CAMTA1: variants seen among roughly 807,000 people sequenced by gnomAD.
CAMTA1 encodes the protein calmodulin binding transcription activator 1.
A neutral mutation model predicts 170.9 loss-of-function variants in CAMTA1; 27 were observed. That is an observed-to-expected ratio of 0.16 (90% CI 0.12 to 0.22). The LOEUF (loss-of-function observed/expected upper bound fraction) is 0.22, where lower values mean the gene tolerates loss of function less well. CAMTA1 is among the 10% of genes least tolerant of loss of function. The pLI, the probability that CAMTA1 is intolerant of heterozygous loss-of-function variation, is 1.00. For missense variants in CAMTA1, 1,619 were observed against 2,217.2 expected, an observed-to-expected ratio of 0.73 and a Z score of 5.42; for synonymous variants, 833 against 891.5, an observed-to-expected ratio of 0.93 and a Z score of 1.17.
intron 6 of CAMTA1, among the ~76,000 whole-genome samples, chr1:7,564,051 T>C (rs2094999881): frequency 2.0e-5 from 3 of 152,196 alleles, no homozygotes; most frequent in African/African-American, 7.2e-5. Flanking sequence ...AGAATTCAAA[T>C]GAGGAGAATC....
intron 3 of CAMTA1, among the ~76,000 whole-genome samples, chr1:6,832,073 C>A (rs962120832): frequency 2.0e-5 from 3 of 151,618 alleles, no homozygotes; most frequent in African/African-American, 4.9e-5. Flanking sequence ...AACATCAAGC[C>A]ACCTTATTTT....
intron 3 of CAMTA1, among the ~76,000 whole-genome samples, chr1:7,037,681 T>C (rs1030071500): frequency 5.9e-5 from 9 of 151,870 alleles, no homozygotes; most frequent in Non-Finnish European, 1.2e-4. Context: ...CTACTAAAAA[T>C]ATAAAAACTA....
rs552992211 is a variant in CAMTA1 at position 6,910,320 on chromosome 1, A to G, written c.234+85110A>G. Among the ~76,000 whole-genome samples, 5 of 152,358 alleles carry G rather than the reference A, an allele frequency of 3.3e-5. No homozygotes were observed. The South Asian group carries it at 6.2e-4, about 19-fold the overall frequency. On this transcript the variant is annotated intron_variant, in intron 3 of 22. Coordinates refer to ENST00000303635, the MANE Select transcript of CAMTA1 (RefSeq NM_015215.4). ...TTTGAAAGGAGAAGCTGTAGTCTCA[A>G]AACACCAGTATGGCAACTGTTTTTT...
chr1:7,368,712 G>A (rs560273205), intron 5 of CAMTA1, among the ~76,000 whole-genome samples: 19 of 152,246 alleles, frequency 1.2e-4, no homozygotes, highest in African/African-American at 4.1e-4. Context: ...TGTCTTGCAC[G>A]CTGCTGCAGC....
chr1:7,104,113 TAC>T (rs1397708258), intron 4 of CAMTA1, among the ~76,000 whole-genome samples: 1 of 54,604 alleles, frequency 1.8e-5, no homozygotes, highest in East Asian at 4.7e-4. Flanking sequence ...TACACACATG[TAC>T]ACACAACACA....
intron 4 of CAMTA1, among the ~76,000 whole-genome samples, chr1:7,178,431 T>C (rs1253338857): frequency 6.6e-6 from 1 of 152,232 alleles, no homozygotes; most frequent in Non-Finnish European, 1.5e-5. Flanking sequence ...TCTTCGGCTC[T>C]GTGTTGGGGC....
intron 6 of CAMTA1, among the ~76,000 whole-genome samples, chr1:7,605,110 C>G (rs2095476094): frequency 6.6e-6 from 1 of 152,176 alleles, no homozygotes; most frequent in African/African-American, 2.4e-5. Flanking sequence ...GGGTGCCTCC[C>G]AGTTAGGCTA....
intron 1 of CAMTA1, among the ~76,000 whole-genome samples, chr1:6,810,606 A>G (rs911236263): frequency 1.3e-5 from 2 of 152,258 alleles, no homozygotes; most frequent in African/African-American, 4.8e-5. Context: ...GGAGATCGAG[A>G]CCATCTGGCT....
At chr1:6,817,336 G>A (rs570416060) in intron 1 of CAMTA1, among the ~76,000 whole-genome samples, 35 of 152,220 alleles carry the variant, frequency 2.3e-4, no homozygotes, top group African/African-American at 7.5e-4. Context: ...TTTTAACATC[G>A]TAAAATTTCA....
At chr1:7,440,224 T>A (rs1254100722) in intron 5 of CAMTA1, among the ~76,000 whole-genome samples, 2 of 152,276 alleles carry the variant, frequency 1.3e-5, no homozygotes, top group Non-Finnish European at 2.9e-5. Context: ...GTCCACTTCA[T>A]GGCATGGGAG....
At chr1:7,717,154 T>C (rs973209042) in intron 11 of CAMTA1, among the ~76,000 whole-genome samples, 1 of 152,068 alleles carries the variant, frequency 6.6e-6, no homozygotes, top group Non-Finnish European at 1.5e-5. Flanking sequence ...TCAGAGAATG[T>C]GTATTTACAG....
intron 3 of CAMTA1, among the ~76,000 whole-genome samples, chr1:6,895,409 T>C (rs1307178175): frequency 6.6e-6 from 1 of 152,218 alleles, no homozygotes; most frequent in East Asian, 1.9e-4. Flanking sequence ...TTTCTTTGCC[T>C]GGAGATCTGT....
chr1:7,543,571 T>C (rs2150122982), intron 6 of CAMTA1, among the ~76,000 whole-genome samples: 1 of 152,352 alleles, frequency 6.6e-6, no homozygotes, highest in East Asian at 1.9e-4. Flanking sequence ...ACGCTGAAAA[T>C]GTCAAATCCT....
At chr1:7,310,629 T>G (rs948434517) in intron 5 of CAMTA1, among the ~76,000 whole-genome samples, 1 of 7,308 alleles carries the variant, frequency 1.4e-4, no homozygotes, top group Non-Finnish European at 2.7e-4. Context: ...TCTTTCTTTC[T>G]TTCTTTCTTT....
At chr1:7,734,634 T>G (rs1206222475) in intron 12 of CAMTA1, among the ~76,000 whole-genome samples, 1 of 152,206 alleles carries the variant, frequency 6.6e-6, no homozygotes, top group East Asian at 1.9e-4. Context: ...GCCTTGGCCT[T>G]TTGAGTCAAG....
intron 4 of CAMTA1, among the ~76,000 whole-genome samples, chr1:7,132,736 A>T (rs1645335307): frequency 6.6e-6 from 1 of 152,200 alleles, no homozygotes; most frequent in East Asian, 1.9e-4. Flanking sequence ...GTATTATCAA[A>T]ACCAGGAAAT....
rs190983218 is a variant in CAMTA1, at chr1:7,592,873, A to G, written c.511-47527A>G. ...GTTAAACATTAGGGCGGGATCAGGC[A>G]TCATGACCTCATGAAATGCAATATT... is the stretch of plus-strand genomic sequence containing the variant. On this transcript the variant is annotated intron_variant, in intron 6 of 22. Transcript: ENST00000303635. The surrounding 1 kb of genome is among the most constrained non-coding windows in gnomAD (Gnocchi z 4.6). Among the ~76,000 whole-genome samples the G allele has an allele frequency of 2.8e-3, 429 of 152,330 alleles. 1 individual carries two copies. The highest frequency in any genetic ancestry group is 4.5e-3 in the Non-Finnish European group (309 of 68,026).
chr1:7,600,325 T>G (rs936083369), intron 6 of CAMTA1, among the ~76,000 whole-genome samples: 3 of 152,166 alleles, frequency 2.0e-5, no homozygotes, highest in African/African-American at 4.8e-5. Context: ...TTTGATGTGC[T>G]GCTGGATTCA....
chr1:7,379,845 A>C (rs1023135374), intron 5 of CAMTA1, among the ~76,000 whole-genome samples: 2 of 152,108 alleles, frequency 1.3e-5, no homozygotes, highest in Non-Finnish European at 2.9e-5. Flanking sequence ...CATTTTCCAA[A>C]CAACACACAT....
Sources: gnomAD v4.1 joint callset for allele counts (sites outside exome capture counted in the v4.1 genomes callset) on GRCh38, gnomAD v4.1.1 for gene constraint, Gnocchi (gnomAD v3.1) non-coding constraint, MANE v1.5 for transcripts, NCBI Gene and HGNC (gene_info 2026-07-23, HGNC 2026-07-21) for gene names.